Variants in OBI1 observed in about 807,000 individuals in gnomAD.
The protein encoded by OBI1 is ORC ubiquitin ligase 1.
Under a neutral mutation model 62.4 loss-of-function variants are expected in OBI1, and 59 were observed. The observed-to-expected ratio is 0.95, with a 90% confidence interval of 0.77 to 1.17. The LOEUF (loss-of-function observed/expected upper bound fraction) is 1.17, where lower values mean the gene tolerates loss of function less well. OBI1 is among the 50% of genes most tolerant of loss of function. The pLI is 0.00. For synonymous variants in OBI1, 302 were observed against 292.8 expected (o/e 1.03, Z -0.32); for missense variants, 875 against 830.9 (o/e 1.05, Z -0.65).
intron 4 of OBI1, among the ~76,000 whole-genome samples, chr13:78,636,961 T>G (rs1030965752): frequency 6.6e-6 from 1 of 152,206 alleles, no homozygotes; most frequent in African/African-American, 2.4e-5. Context: ...GCTGGCTAGT[T>G]CCTCAACTAT....
At chr13:78,633,128 G>A (rs944573476) in intron 5 of OBI1, among the ~76,000 whole-genome samples, 14 of 152,116 alleles carry the variant, frequency 9.2e-5, no homozygotes, top group African/African-American at 3.1e-4. Context: ...TGTGGGAAAC[G>A]GCTAATGGAC....
At chr13:78,626,747 T>C (rs1875678245) in intron 5 of OBI1, among the ~76,000 whole-genome samples, 1 of 152,134 alleles carries the variant, frequency 6.6e-6, no homozygotes. Flanking sequence ...ACTGAAGTTA[T>C]ATAGTAAAGA....
chr13:78,652,681 C>T (rs988465602), intron 1 of OBI1, among the ~76,000 whole-genome samples: 10 of 152,184 alleles, frequency 6.6e-5, no homozygotes, highest in African/African-American at 2.4e-4. Context: ...GCATTAGACT[C>T]TCCTAAGGAG....
At chr13:78,646,384 T>C (rs1223430475) in intron 1 of OBI1, among the ~76,000 whole-genome samples, 2 of 152,192 alleles carry the variant, frequency 1.3e-5, no homozygotes, top group Non-Finnish European at 2.9e-5. Flanking sequence ...GCTATTAAGA[T>C]AGTGTTAACA....
chr13:78,622,571 T>C (rs1336604595), intron 5 of OBI1, among the ~76,000 whole-genome samples: 2 of 151,806 alleles, frequency 1.3e-5, no homozygotes, highest in Non-Finnish European at 2.9e-5. Context: ...TTCAGAAATA[T>C]TAGGAAAGTA....
intron 5 of OBI1, among the ~76,000 whole-genome samples, chr13:78,628,326 C>A (rs1196703504): frequency 6.6e-6 from 1 of 152,184 alleles, no homozygotes; most frequent in African/African-American, 2.4e-5. Flanking sequence ...GGTTTGTGTT[C>A]ACAATCACCA....
At chr13:78,654,148 T>A (rs1019096942) in intron 1 of OBI1, among the ~76,000 whole-genome samples, 1 of 151,792 alleles carries the variant, frequency 6.6e-6, no homozygotes, top group Non-Finnish European at 1.5e-5. Flanking sequence ...CCTTCATCCC[T>A]ACCAGAAATG....
At chr13:78,622,255 C>T (rs114151714) in intron 5 of OBI1, among the ~76,000 whole-genome samples, 1 of 151,736 alleles carries the variant, frequency 6.6e-6, no homozygotes, top group African/African-American at 2.4e-5. Flanking sequence ...CCAGCCTAGG[C>T]GACATAATGA....
At chr13:78,632,114 A>G (rs1278304643) in intron 5 of OBI1, among the ~76,000 whole-genome samples, 2 of 152,006 alleles carry the variant, frequency 1.3e-5, no homozygotes, top group Non-Finnish European at 2.9e-5. Flanking sequence ...CTGACCTCTA[A>G]TGTGTCTGTA....
chr13:78,616,148 A>AT lies in OBI1; in HGVS notation c.1612dup (p.Ile538AsnfsTer3). 2 of 1,614,126 alleles carry AT rather than the reference A, an allele frequency of 1.2e-6. No homozygotes were observed. The highest frequency in any genetic ancestry group is 8.5e-7 in the Non-Finnish European group (1 of 1,180,024). On this transcript the variant is annotated frameshift_variant, in exon 6 of 6. Coordinates refer to ENST00000282003, the MANE Select transcript of OBI1 (RefSeq NM_024546.4). LOFTEE classifies it high-confidence loss of function. ...TGACATCATTGAATCCAACTCAGAG[A>AT]TTTTGTCAAGGTAAGCAGCATCCAT...
At chr13:78,642,738 T>G (rs1390081460) in intron 2 of OBI1, among the ~76,000 whole-genome samples, 1 of 152,158 alleles carries the variant, frequency 6.6e-6, no homozygotes, top group Non-Finnish European at 1.5e-5. Flanking sequence ...ACAAACAAAA[T>G]TAGCCGGGCG....
chr13:78,635,119 GATCTGTT>G lies in OBI1; in HGVS notation c.622_628del (p.Asn208HisfsTer17). 1 of 1,599,514 alleles carries G rather than the reference GATCTGTT, an allele frequency of 6.3e-7. No homozygotes were observed. The highest frequency in any genetic ancestry group is 8.6e-7 in the Non-Finnish European group (1 of 1,169,122). On this transcript the variant is annotated frameshift_variant, in exon 5 of 6. Coordinates refer to ENST00000282003, the MANE Select transcript of OBI1 (RefSeq NM_024546.4). LOFTEE classifies it high-confidence loss of function. Reference sequence around the variant, plus strand: ...GGAGCAAAATACATACTTTTGAGGTGATCTGTTATCAACTTCAGCCTTCAGTCGTAAA... The same window carrying G: ...GGAGCAAAATACATACTTTTGAGGTGATCAACTTCAGCCTTCAGTCGTAAA...
chr13:78,634,067 CAAAAACA>C lies in OBI1; in HGVS notation c.638+1036_638+1042del, dbSNP rs1228196802. ...TGGGCGACAGAGCAAGACTCCGTCT[CAAAAACA>C]AAAAACAAAAAACAAAAAACAAAAA... On this transcript the variant is annotated intron_variant, in intron 5 of 5. Coordinates refer to ENST00000282003, the MANE Select transcript of OBI1 (RefSeq NM_024546.4). 7.6e-3 allele frequency among the ~76,000 whole-genome samples: 813 copies of C among 107,172 alleles called. 3 individuals carry two copies. The highest frequency in any genetic ancestry group is 0.026 in the African/African-American group (746 of 29,030). 70.3% of individuals were successfully genotyped at this position (107,172 alleles called of 152,430 possible).
In OBI1 at chr13:78,616,715, A is replaced by G. The variant is rs1419188049; in HGVS notation, c.1046T>C (p.Val349Ala). 6.2e-7 allele frequency: 1 copy of G among 1,614,110 alleles called. No homozygotes were observed. The highest frequency in any genetic ancestry group is 1.7e-5 in the Admixed American group (1 of 60,024). The change falls in exon 6 of 6, where the codon GTA (valine) becomes GCA (alanine). Residue 349 changes from valine (V) to alanine (A), a missense_variant. Transcript: ENST00000282003. ...ATCTGTCACATCTAACATTACTTCT[A>G]CCTGTTCTTGATATAGGTCTTTGTT... Reference protein sequence around the residue: ...SKNKDLYQEQVEVMLDVTDTS... With the variant: ...SKNKDLYQEQAEVMLDVTDTS...
In OBI1 at chr13:78,615,604, G is replaced by A. The variant is rs146009413; in HGVS notation, c.2157C>T (p.Ser719=). 1.4e-4 allele frequency: 221 copies of A among 1,610,118 alleles called. 1 individual carries two copies. The African/African-American group carries it at 2.5e-3, about 18-fold the overall frequency. ...GTCAACTTTTAGTTGCTTTTGATGG[G>A]CTGGCACTGGAAAGGCTGCTCTGGA... ...RKIQSSLSSA[S]PSKATKS The change falls in exon 6 of 6, where the codon AGC becomes AGT. Residue 719 remains serine (S), a synonymous_variant. Coordinates refer to ENST00000282003, the MANE Select transcript of OBI1 (RefSeq NM_024546.4).
intron 5 of OBI1, among the ~76,000 whole-genome samples, chr13:78,633,509 A>G (rs2281856): frequency 0.17 from 25,780 of 152,114 alleles, 3,060 homozygotes; most frequent in East Asian, 0.23. Context: ...TTTTTCCATT[A>G]GAAAGAAATG....
chr13:78,627,243 G>T (rs1287518313), intron 5 of OBI1, among the ~76,000 whole-genome samples: 1 of 150,130 alleles, frequency 6.7e-6, no homozygotes, highest in Non-Finnish European at 1.5e-5. Flanking sequence ...TGGGATGGGG[G>T]ATTATGAATA....
At chr13:78,657,798 G>A (rs1458603400) in intron 1 of OBI1, among the ~76,000 whole-genome samples, 1 of 152,154 alleles carries the variant, frequency 6.6e-6, no homozygotes, top group Non-Finnish European at 1.5e-5. Context: ...TATGTCAGGA[G>A]CCAAATGTAG....
intron 2 of OBI1, among the ~76,000 whole-genome samples, chr13:78,642,739 T>C (rs776466890): frequency 1.3e-5 from 2 of 152,014 alleles, no homozygotes; most frequent in African/African-American, 2.4e-5. Context: ...CAAACAAAAT[T>C]AGCCGGGCGT....
Sources: allele counts gnomAD v4.1 joint callset (sites outside exome capture counted in the v4.1 genomes callset), GRCh38; gene constraint gnomAD v4.1.1; transcripts MANE v1.5; gene names NCBI Gene and HGNC (gene_info 2026-07-23, HGNC 2026-07-21).